AKR1E2: variants seen among roughly 807,000 people sequenced by gnomAD.
The protein encoded by AKR1E2 is aldo-keto reductase family 1 member E2, also known as 1,5-anhydro-D-fructose reductase.
AKR1E2 carries 43 observed loss-of-function variants against 41.9 expected under a neutral mutation model. The observed-to-expected ratio is 1.03, with a 90% CI of 0.80 to 1.32. The LOEUF is 1.32. Ranked by LOEUF, AKR1E2 falls within the 40% of genes most tolerant of loss-of-function variation. The pLI is 0.00. For synonymous variants in AKR1E2, 121 were observed against 138.9 expected (o/e 0.87, Z 0.91); for missense variants, 423 against 396.5 (o/e 1.07, Z -0.57).
intron 5 of AKR1E2, 56 bp downstream of exon 5, chr10:4,837,637 C>T (rs1467999369): frequency 6.3e-7 from 1 of 1,585,334 alleles, no homozygotes; most frequent in East Asian, 2.3e-5. Context: ...CCCCAGCTGC[C>T]ACCTCCACAG....
At chr10:4,830,139 C>G (rs1369981075) in intron 1 of AKR1E2, among the ~76,000 whole-genome samples, 1 of 152,342 alleles carries the variant, frequency 6.6e-6, no homozygotes, top group South Asian at 2.1e-4. Context: ...CGCCCACCCC[C>G]ATAGTCTTCC....
the AKR1E2 span, among the ~76,000 whole-genome samples, chr10:4,872,352 A>G: frequency 4.2e-4 from 64 of 152,330 alleles, 1 homozygote; most frequent in African/African-American, 1.4e-3. Flanking sequence ...TTACTGTTCA[A>G]TGTATGTCAA....
In AKR1E2 at chr10:4,847,874, C is replaced by A; in HGVS notation, c.*344C>A. 4.1e-6 allele frequency: 1 copy of A among 245,328 alleles called. No individual in the cohort carries two copies. The highest frequency in any genetic ancestry group is 7.8e-6 in the Non-Finnish European group (1 of 128,806). 15.2% of individuals were successfully genotyped at this position (245,328 alleles called of 1,614,324 possible). A position where few individuals can be genotyped will look rare whatever the true frequency, so the allele number is the denominator to read the frequency against. On this transcript the variant is annotated 3_prime_UTR_variant, in exon 10 of 10. Coordinates refer to ENST00000298375, the MANE Select transcript of AKR1E2 (RefSeq NM_001040177.3). Reference sequence around the variant, plus strand: ...GAGGAAACAGTGTAATGTGTCTCTGCCCCATTGCGCAGCTCCACCCATTGT... The same window carrying A: ...GAGGAAACAGTGTAATGTGTCTCTGACCCATTGCGCAGCTCCACCCATTGT...
At chr10:4,844,957 G>C (rs1350672991) in intron 8 of AKR1E2, among the ~76,000 whole-genome samples, 1 of 152,210 alleles carries the variant, frequency 6.6e-6, no homozygotes, top group Non-Finnish European at 1.5e-5. Context: ...TGGTGCCATG[G>C]AGCAGGGGGC....
chr10:4,862,613 C>G, the AKR1E2 span, among the ~76,000 whole-genome samples: 39,320 of 151,930 alleles, frequency 0.26, 5,306 homozygotes, highest in Middle Eastern at 0.37. Context: ...TTGTTGAGCA[C>G]TGGTTTGTAG....
Position 4,830,711 on chromosome 10 carries a change from G to T in AKR1E2, c.76G>T (p.Ala26Ser), listed in dbSNP as rs1325953886. Residue 26 changes from alanine (A) to serine (S), a missense_variant, in exon 2 of 10, where the codon GCC (alanine) becomes TCC (serine). By Grantham distance (99) the Ala-to-Ser change is moderately conservative (BLOSUM62 1). Coordinates refer to ENST00000298375, the MANE Select transcript of AKR1E2 (RefSeq NM_001040177.3). ...PGKVTEAVKE[A>S]IDAGYRHFDC... ...GAAAGTGACCGAGGCAGTGAAAGAG[G>T]CCATTGACGCAGGGTACCGGCACTT... 1 of 1,614,014 alleles carries T rather than the reference G, an allele frequency of 6.2e-7. No homozygotes were observed. Among genetic ancestry groups the T allele is most frequent in the Non-Finnish European group, 8.5e-7 (1 of 1,180,006 alleles).
the AKR1E2 span, among the ~76,000 whole-genome samples, chr10:4,859,247 A>G: frequency 6.6e-6 from 1 of 152,206 alleles, no homozygotes; most frequent in Middle Eastern, 3.2e-3. Context: ...TTAGGATACA[A>G]ATATGAATGA....
At chr10:4,867,057 G>C in the AKR1E2 span, among the ~76,000 whole-genome samples, 2 of 152,096 alleles carry the variant, frequency 1.3e-5, no homozygotes, top group Admixed American at 1.3e-4. Flanking sequence ...CTAGTCCCCA[G>C]GCAAGAAGGA....
chr10:4,863,302 A>G, the AKR1E2 span, among the ~76,000 whole-genome samples: 2 of 152,260 alleles, frequency 1.3e-5, no homozygotes, highest in Non-Finnish European at 2.9e-5. Flanking sequence ...CAGGATTAAG[A>G]AAGTCACTCA....
In AKR1E2 at chr10:4,841,870, G is replaced by A. The variant is rs776137261; in HGVS notation, c.753+13G>A. 2 of 1,611,446 alleles carry A rather than the reference G, an allele frequency of 1.2e-6. No individual in the cohort carries two copies. Among genetic ancestry groups the A allele is most frequent in the Admixed American group, 1.7e-5 (1 of 59,696 alleles). The stretch of plus-strand genomic sequence containing the variant: ...GTCTCCTGCTCAGGTAGGGAGGGAG[G>A]GCTGTTCTGAGCCAGGTGGGGTTCT... On this transcript the variant is annotated intron_variant, in intron 7 of 9. Transcript: ENST00000298375.
chr10:4,872,829 G>A, the AKR1E2 span, among the ~76,000 whole-genome samples: 1 of 152,184 alleles, frequency 6.6e-6, no homozygotes, highest in South Asian at 2.1e-4. Context: ...AAATAAATCA[G>A]AATAGAGAGA....
At chr10:4,855,644 C>A in the AKR1E2 span, among the ~76,000 whole-genome samples, 1 of 152,146 alleles carries the variant, frequency 6.6e-6, no homozygotes, top group East Asian at 1.9e-4. Context: ...TGTTTACATA[C>A]GAAAGAGCTT....
rs1832841693 is a variant in AKR1E2 at position 4,829,932 on chromosome 10, T to A, written c.40-743T>A. On this transcript the variant is annotated intron_variant, in intron 1 of 9. Coordinates refer to ENST00000298375, the MANE Select transcript of AKR1E2 (RefSeq NM_001040177.3). ...TCTTAATCATATTTTTATCTTTCCA[T>A]CCAATTTCTTGGGTTCTTTTTCTAA... Among the ~76,000 whole-genome samples, 5 of 152,224 alleles carry A rather than the reference T, an allele frequency of 3.3e-5. No individual in the cohort carries two copies. The South Asian group carries it at 1.0e-3, about 31-fold the overall frequency.
chr10:4,831,621 G>A (rs1276585320), intron 2 of AKR1E2, among the ~76,000 whole-genome samples: 5 of 152,148 alleles, frequency 3.3e-5, no homozygotes, highest in Admixed American at 1.3e-4. Flanking sequence ...CCCATGACAC[G>A]TAGGGATTAT....
At chr10:4,844,779 G>A (rs1834186003) in intron 8 of AKR1E2, among the ~76,000 whole-genome samples, 1 of 152,238 alleles carries the variant, frequency 6.6e-6, no homozygotes, top group Admixed American at 6.5e-5. Flanking sequence ...AGTGCCGATT[G>A]GTGTATTTAC....
intron 6 of AKR1E2, 61 bp downstream of exon 6, chr10:4,839,887 C>T (rs1467634124): frequency 1.7e-5 from 25 of 1,468,190 alleles, no homozygotes; most frequent in Non-Finnish European, 2.4e-5. Context: ...GCCACCTTCT[C>T]ATTTCCTTGG....
intron 2 of AKR1E2, 43 bp from the exon 3 acceptor site, chr10:4,833,307 C>T (rs1321651026): frequency 3.3e-6 from 5 of 1,507,724 alleles, no homozygotes; most frequent in Admixed American, 1.7e-5. Flanking sequence ...GCCATGCTGG[C>T]TCTGGGTGGG....
chr10:4,836,135 A>T (rs1420664643), intron 4 of AKR1E2, among the ~76,000 whole-genome samples: 1 of 152,196 alleles, frequency 6.6e-6, no homozygotes, highest in Non-Finnish European at 1.5e-5. Flanking sequence ...TCTGCATTAA[A>T]CTAACATTAA....
intron 3 of AKR1E2, among the ~76,000 whole-genome samples, 161 bp downstream of exon 3, chr10:4,833,627 T>C (rs1321326196): frequency 6.6e-6 from 1 of 152,162 alleles, no homozygotes; most frequent in East Asian, 1.9e-4. Context: ...GTCCTCTTGA[T>C]ATCTCTGGGC....
Sources: allele counts gnomAD v4.1 joint callset (sites outside exome capture counted in the v4.1 genomes callset), GRCh38; gene constraint gnomAD v4.1.1; transcripts MANE v1.5; gene names NCBI Gene and HGNC (gene_info 2026-07-23, HGNC 2026-07-21).